Variants in CHRM5 observed in about 807,000 individuals in gnomAD.
CHRM5 encodes the protein muscarinic acetylcholine receptor M5.
In CHRM5, 18 loss-of-function variants were observed where a neutral mutation model predicts 39.0. The observed-to-expected ratio is 0.46, with a 90% CI of 0.32 to 0.68. The LOEUF (loss-of-function observed/expected upper bound fraction) is 0.68. CHRM5 is among the 30% of genes least tolerant of loss of function. The pLI is 0.04. For missense variants in CHRM5, 515 were observed against 651.1 expected, an observed-to-expected ratio of 0.79 and a Z score of 2.28; for synonymous variants, 241 against 246.3, an observed-to-expected ratio of 0.98 and a Z score of 0.20.
chr15:34,014,077 A>G (rs1414256059), intron 1 of CHRM5, among the ~76,000 whole-genome samples: 1 of 152,144 alleles, frequency 6.6e-6, no homozygotes, highest in East Asian at 1.9e-4. Flanking sequence ...AGAAAAACAC[A>G]TTTAGCTGGG....
intron 1 of CHRM5, among the ~76,000 whole-genome samples, chr15:34,045,653 A>G (rs1030463191): frequency 1.3e-5 from 2 of 152,200 alleles, no homozygotes; most frequent in Non-Finnish European, 2.9e-5. Context: ...TAGTTGCTAT[A>G]GAAACAATGA....
intron 2 of CHRM5, among the ~76,000 whole-genome samples, chr15:34,048,926 T>C (rs1474092387): frequency 6.6e-6 from 1 of 152,042 alleles, no homozygotes; most frequent in Admixed American, 6.5e-5. Flanking sequence ...GTGACTAGGG[T>C]CTGGAGTGGA....
At chr15:34,001,946 G>A (rs181703174) in intron 1 of CHRM5, among the ~76,000 whole-genome samples, 1 of 152,268 alleles carries the variant, frequency 6.6e-6, no homozygotes, top group Admixed American at 6.5e-5. Context: ...TTACTTCCCT[G>A]CTTCTCACAT....
intron 1 of CHRM5, among the ~76,000 whole-genome samples, chr15:33,970,575 A>C (rs184959069): frequency 2.2e-4 from 33 of 152,068 alleles, no homozygotes; most frequent in South Asian, 4.1e-4. Flanking sequence ...TTCCCTCCTT[A>C]TTATGGTATT....
intron 1 of CHRM5, among the ~76,000 whole-genome samples, chr15:34,017,455 A>G (rs565581444): frequency 3.9e-4 from 59 of 150,418 alleles, no homozygotes; most frequent in Non-Finnish European, 6.5e-4. Flanking sequence ...ATTAACCAAG[A>G]TAAGTGATTT....
At chr15:33,989,286 C>T (rs544082334) in intron 1 of CHRM5, among the ~76,000 whole-genome samples, 1 of 152,222 alleles carries the variant, frequency 6.6e-6, no homozygotes, top group Non-Finnish European at 1.5e-5. Context: ...ATATGACCCA[C>T]AGTATATTCT....
intron 1 of CHRM5, among the ~76,000 whole-genome samples, chr15:34,032,647 G>A (rs1241053073): frequency 6.6e-6 from 1 of 152,162 alleles, no homozygotes; most frequent in Non-Finnish European, 1.5e-5. Flanking sequence ...GATTTTCCAA[G>A]GAGTATATGA....
At chr15:34,007,144 C>T in intron 1 of CHRM5, 1 of 682,466 alleles carries the variant, frequency 1.5e-6, no homozygotes, top group African/African-American at 1.9e-5. Flanking sequence ...TACTGCCGAG[C>T]TATTATCTTG....
intron 1 of CHRM5, among the ~76,000 whole-genome samples, chr15:33,976,905 G>A (rs1244625211): frequency 6.6e-6 from 1 of 152,122 alleles, no homozygotes; most frequent in African/African-American, 2.4e-5. Flanking sequence ...CCAGCCTCCT[G>A]TGGTATAGTG....
chr15:34,003,332 G>A (rs531353766), intron 1 of CHRM5: 53 of 774,610 alleles, frequency 6.8e-5, no homozygotes, highest in African/African-American at 6.7e-4. Flanking sequence ...GCTGTCTGAA[G>A]ATATTAAATA....
intron 1 of CHRM5, among the ~76,000 whole-genome samples, chr15:34,018,665 G>T (rs1349500272): frequency 1.3e-5 from 2 of 152,200 alleles, no homozygotes. Flanking sequence ...CCACAGAATG[G>T]AAAGGGACTC....
intron 1 of CHRM5, among the ~76,000 whole-genome samples, chr15:33,986,230 C>T (rs1896460617): frequency 6.6e-6 from 1 of 151,966 alleles, no homozygotes; most frequent in African/African-American, 2.4e-5. Context: ...CCTCAGCCTC[C>T]CGAGTAGCTG....
Position 34,063,783 on chromosome 15 carries a change from T to G in CHRM5, c.1066T>G (p.Tyr356Asp). The G allele has an allele frequency of 6.2e-7, 1 of 1,614,200 alleles. No individual in the cohort carries two copies. Among genetic ancestry groups the G allele is most frequent in the South Asian group, 1.1e-5 (1 of 91,088 alleles). The change falls in exon 3 of 3, where the codon TAT becomes GAT. Residue 356 changes from tyrosine to aspartate, a missense_variant. By Grantham distance (160) the Tyr-to-Asp change is radical (BLOSUM62 -3). Coordinates refer to ENST00000383263, the MANE Select transcript of CHRM5 (RefSeq NM_012125.4). The surrounding 1 kb of genome is among the most constrained non-coding windows in gnomAD (Gnocchi z 4.1). ...FVKAETEKSD[Y>D]DTPNYLLSPA... ...GAAAGCTGAAACTGAAAAAAGTGAC[T>G]ATGACACCCCAAACTACCTTCTGTC...
intron 1 of CHRM5, among the ~76,000 whole-genome samples, chr15:34,011,432 T>C (rs957312495): frequency 1.3e-5 from 2 of 152,204 alleles, no homozygotes; most frequent in Non-Finnish European, 2.9e-5. Flanking sequence ...GTATATGGCA[T>C]ATATGTGAAT....
Position 34,063,548 on chromosome 15 carries a change from C to T in CHRM5, c.831C>T (p.Ser277=), listed in dbSNP as rs1453033788. Reference sequence around the variant, plus strand: ...CCTCCTGGTCATCCTCCCGCAGGAGCACCTCCACCACTGGGAAGCCATCCC... The same window carrying T: ...CCTCCTGGTCATCCTCCCGCAGGAGTACCTCCACCACTGGGAAGCCATCCC... ...NQASWSSSRR[S]TSTTGKPSQA... is the part of the protein sequence containing the mutation. The change falls in exon 3 of 3, where the codon AGC becomes AGT. Residue 277 remains serine, a synonymous_variant. Transcript: ENST00000383263. This position sits in a 1 kb window ranked among gnomAD's most constrained non-coding sequence, Gnocchi z 4.1. The T allele has an allele frequency of 6.2e-7, 1 of 1,613,602 alleles. No individual in the cohort carries two copies. The highest frequency in any genetic ancestry group is 8.5e-7 in the Non-Finnish European group (1 of 1,180,010).
intron 1 of CHRM5, among the ~76,000 whole-genome samples, chr15:33,975,347 A>G (rs932765443): frequency 2.6e-5 from 4 of 152,218 alleles, no homozygotes; most frequent in Non-Finnish European, 5.9e-5. Context: ...TTTCTAGAGC[A>G]AGAGGGCACA....
At chr15:34,005,045 G>A (rs981386095) in intron 1 of CHRM5, among the ~76,000 whole-genome samples, 1 of 151,954 alleles carries the variant, frequency 6.6e-6, no homozygotes, top group Non-Finnish European at 1.5e-5. Context: ...GAAAAGACAA[G>A]CAAAACTAAA....
intron 1 of CHRM5, among the ~76,000 whole-genome samples, chr15:34,017,505 C>T (rs1448057869): frequency 2.1e-5 from 2 of 93,888 alleles, no homozygotes; most frequent in Non-Finnish European, 3.8e-5. Flanking sequence ...TTTTTTGAGA[C>T]AGGGTCTTGC....
At chr15:34,047,223 G>A (rs1045460547) in intron 2 of CHRM5, among the ~76,000 whole-genome samples, 50 of 152,024 alleles carry the variant, frequency 3.3e-4, no homozygotes, top group Admixed American at 1.1e-3. Flanking sequence ...GACTACAGGC[G>A]CCCGCCACCA....
Sources: allele counts gnomAD v4.1 joint callset (sites outside exome capture counted in the v4.1 genomes callset), GRCh38; gene constraint gnomAD v4.1.1; non-coding constraint Gnocchi (gnomAD v3.1); transcripts MANE v1.5; gene names NCBI Gene and HGNC (gene_info 2026-07-23, HGNC 2026-07-21).